PHACTR1: variants seen among roughly 807,000 people sequenced by gnomAD.
PHACTR1 encodes RPEL repeat containing 1.
PHACTR1 carries 16 observed loss-of-function variants against 69.2 expected under a neutral mutation model. That is an observed-to-expected ratio of 0.23 (90% confidence interval 0.16 to 0.35). PHACTR1 has a LOEUF of 0.35. PHACTR1 is among the 10% of genes least tolerant of loss of function. The pLI, the probability that PHACTR1 is intolerant of heterozygous loss-of-function variation, is 1.00. For synonymous variants in PHACTR1, 312 were observed against 284.5 expected, an observed-to-expected ratio of 1.10 and a Z score of -0.97; for missense variants, 510 against 734.7, an observed-to-expected ratio of 0.69 and a Z score of 3.54.
At chr6:12,998,267 A>G (rs1357980680) in intron 4 of PHACTR1, among the ~76,000 whole-genome samples, 1 of 152,200 alleles carries the variant, frequency 6.6e-6, no homozygotes, top group African/African-American at 2.4e-5. Context: ...TGAAACTTTA[A>G]AAAGAGAATA....
At chr6:13,172,426 G>A (rs1032848602) in intron 6 of PHACTR1, among the ~76,000 whole-genome samples, 1 of 152,162 alleles carries the variant, frequency 6.6e-6, no homozygotes, top group Non-Finnish European at 1.5e-5. Flanking sequence ...CGGGAGACAG[G>A]CACCACACAA....
At chr6:12,894,455 A>G (rs1784452706) in intron 4 of PHACTR1, among the ~76,000 whole-genome samples, 1 of 152,108 alleles carries the variant, frequency 6.6e-6, no homozygotes, top group African/African-American at 2.4e-5. Flanking sequence ...AAACACAAAA[A>G]TTAGCCGGGT....
At chr6:13,044,468 T>C (rs933585480) in intron 4 of PHACTR1, among the ~76,000 whole-genome samples, 9 of 152,174 alleles carry the variant, frequency 5.9e-5, no homozygotes, top group Non-Finnish European at 1.3e-4. Flanking sequence ...CTGGCCAAGC[T>C]CAATGACTCA....
chr6:13,200,661 AGGTGGCCAGCACTG>A (rs1261915298), intron 7 of PHACTR1, among the ~76,000 whole-genome samples: 2 of 152,210 alleles, frequency 1.3e-5, no homozygotes, highest in Admixed American at 6.5e-5. Flanking sequence ...ATGCTGGGCC[AGGTGGCCAGCACTG>A]GGTGGCCACC....
chr6:13,279,057 A>G (rs1779591857), intron 12 of PHACTR1, among the ~76,000 whole-genome samples: 1 of 144,542 alleles, frequency 6.9e-6, no homozygotes, highest in Non-Finnish European at 1.5e-5. Context: ...GCTCCCCCTG[A>G]CACTATTCTT....
chr6:13,189,440 C>G (rs897554773), intron 7 of PHACTR1, among the ~76,000 whole-genome samples: 7 of 149,108 alleles, frequency 4.7e-5, no homozygotes, highest in African/African-American at 7.4e-5. Flanking sequence ...ACTGTATCTT[C>G]CAGGCTAGAG....
At chr6:13,231,274 AAGAAGGAAAGAGAAAGAG>A (rs1771076142) in intron 10 of PHACTR1, among the ~76,000 whole-genome samples, 1 of 96,152 alleles carries the variant, frequency 1.0e-5, no homozygotes, top group African/African-American at 4.9e-5. Context: ...AGGAAAGAGA[AAGAAGGAAAGAGAAAGAG>A]AGAGCGAAAG....
intron 13 of PHACTR1, among the ~76,000 whole-genome samples, chr6:13,285,506 C>T (rs1417693589): frequency 2.0e-5 from 3 of 152,204 alleles, no homozygotes; most frequent in Non-Finnish European, 4.4e-5. Context: ...TCCTCCCCTG[C>T]TCTCTCATGG....
chr6:12,798,991 C>G (rs1773404306), intron 4 of PHACTR1, among the ~76,000 whole-genome samples: 1 of 152,186 alleles, frequency 6.6e-6, no homozygotes, highest in South Asian at 2.1e-4. Flanking sequence ...AAGTTGTTCT[C>G]TTTTCTTTCC....
At position 13,216,387 on chromosome 6, in the gene PHACTR1, C is replaced by G. The variant is rs1232380; in HGVS notation, c.986+10251C>G. Among the ~76,000 whole-genome samples the G allele has an allele frequency of 7.2e-3, 1,100 of 152,296 alleles. 18 individuals carry two copies. The highest frequency in any genetic ancestry group is 0.025 in the African/African-American group (1,045 of 41,556). ...TTGGCTTATGTCTGTAATGTTTCAC[C>G]TGCTAATTAGGGTGTTCCCTGACAA... On this transcript the variant is annotated intron_variant, in intron 8 of 14. Coordinates refer to ENST00000332995, the MANE Select transcript of PHACTR1 (RefSeq NM_030948.6).
chr6:13,170,849 T>A (rs1760497713), intron 6 of PHACTR1, among the ~76,000 whole-genome samples: 1 of 152,164 alleles, frequency 6.6e-6, no homozygotes, highest in South Asian at 2.1e-4. Context: ...TGATCCCTTC[T>A]CACTGTTCCC....
chr6:12,937,161 C>T (rs540127716), intron 4 of PHACTR1, among the ~76,000 whole-genome samples: 2 of 152,158 alleles, frequency 1.3e-5, no homozygotes, highest in South Asian at 4.1e-4. Context: ...TTTTTCTGCC[C>T]AGCCACCTTT....
intron 6 of PHACTR1, among the ~76,000 whole-genome samples, chr6:13,160,749 A>G (rs1387856552): frequency 6.6e-6 from 1 of 152,214 alleles, no homozygotes; most frequent in Non-Finnish European, 1.5e-5. Context: ...AATAGAATAA[A>G]TTGAAGGAGA....
At chr6:12,837,439 T>G (rs1431677146) in intron 4 of PHACTR1, among the ~76,000 whole-genome samples, 1 of 130,056 alleles carries the variant, frequency 7.7e-6, no homozygotes, top group Non-Finnish European at 1.7e-5. Flanking sequence ...TATCTGCCTT[T>G]CTCCAGGGAG....
chr6:13,238,885 T>C (rs777649799), intron 10 of PHACTR1, among the ~76,000 whole-genome samples: 14 of 152,200 alleles, frequency 9.2e-5, no homozygotes, highest in Non-Finnish European at 2.1e-4. Context: ...TTAGTGTCCC[T>C]GGATACGTGT....
intron 5 of PHACTR1, among the ~76,000 whole-genome samples, chr6:13,104,039 G>A (rs1489258063): frequency 1.3e-5 from 2 of 152,130 alleles, no homozygotes; most frequent in East Asian, 1.9e-4. Context: ...AGCTGAGATC[G>A]CACTGCTGCA....
chr6:12,944,466 T>C (rs1211017428), intron 4 of PHACTR1, among the ~76,000 whole-genome samples: 1 of 152,186 alleles, frequency 6.6e-6, no homozygotes, highest in Admixed American at 6.5e-5. Flanking sequence ...AAAAATAAAT[T>C]AGAAACAAAA....
At chr6:13,281,973 T>C (rs1780369426) in intron 12 of PHACTR1, among the ~76,000 whole-genome samples, 1 of 152,244 alleles carries the variant, frequency 6.6e-6, no homozygotes. Flanking sequence ...GAGGGAGCTG[T>C]AGGCCTGCCT....
chr6:12,911,531 C>A (rs1302692363), intron 4 of PHACTR1, among the ~76,000 whole-genome samples: 1 of 152,110 alleles, frequency 6.6e-6, no homozygotes, highest in Non-Finnish European at 1.5e-5. Context: ...GAATAAAATG[C>A]TTGCAATACT....
Sources: allele counts gnomAD v4.1 joint callset (sites outside exome capture counted in the v4.1 genomes callset), GRCh38; gene constraint gnomAD v4.1.1; transcripts MANE v1.5; gene names NCBI Gene and HGNC (gene_info 2026-07-23, HGNC 2026-07-21).